DCAF15: variants seen among roughly 807,000 people sequenced by gnomAD.
The protein encoded by DCAF15 is DDB1- and CUL4-associated factor 15.
Under a neutral mutation model 68.0 loss-of-function variants are expected in DCAF15, and 24 were observed. The ratio of observed to expected loss-of-function variants is 0.35; its 90% CI spans 0.26 to 0.50. The LOEUF is 0.50. DCAF15 is among the 20% of genes least tolerant of loss of function. The pLI, the probability that DCAF15 is intolerant of heterozygous loss-of-function variation, is 0.98. For synonymous variants in DCAF15, 376 were observed against 341.6 expected, an observed-to-expected ratio of 1.10 and a Z score of -1.11; for missense variants, 627 against 830.6, an observed-to-expected ratio of 0.75 and a Z score of 3.01.
rs1201293541 is a variant in DCAF15 at position 13,959,381 on chromosome 19, C to A, written c.1121C>A (p.Pro374His). The A allele has an allele frequency of 1.9e-6, 3 of 1,605,832 alleles. No homozygotes were observed. In the African/African-American group the frequency reaches 4.0e-5, roughly 21 times the overall value. Residue 374 changes from proline to histidine, a missense_variant, in exon 7 of 13, where the codon CCC becomes CAC. Pro to His is a moderately conservative substitution (Grantham distance 77). This residue lies in a region of DCAF15 where 236 missense variants were observed against 225.1 expected (regional missense o/e 1.05). Transcript: ENST00000254337. Reference protein sequence around the residue: ...LCGETAPRDSPPASEAPASEP... With the variant: ...LCGETAPRDSHPASEAPASEP... ...GGAGAGACGGCACCCCGGGACAGCC[C>A]CCCTGCCTCGGAGGCACCTGCCTCC...
At chr19:13,960,160 C>T in intron 10 of DCAF15, 91 bp downstream of exon 10, 1 of 1,577,246 alleles carries the variant, frequency 6.3e-7, no homozygotes, top group Non-Finnish European at 8.7e-7. Context: ...GAAGGCTCTC[C>T]CTGTGCCACA....
chr19:13,958,901 C>T (rs950207058), intron 6 of DCAF15, 144 bp from the exon 7 acceptor site: 7 of 993,208 alleles, frequency 7.0e-6, no homozygotes, highest in Non-Finnish European at 1.0e-5. Flanking sequence ...GGTCTTTCCC[C>T]TTTTGGGTGT....
rs780834814 is a variant in DCAF15, at chr19:13,956,534, G to A, written c.784+12G>A. 37 of 1,611,544 alleles carry A rather than the reference G, an allele frequency of 2.3e-5. No homozygotes were observed. The highest frequency in any genetic ancestry group is 3.3e-5 in the South Asian group (3 of 91,074). The stretch of plus-strand genomic sequence containing the variant: ...CGTCCACTCGGCAGGTAGGCCCTGC[G>A]GTCTCGTGGCCACCCGGCAACGCGT... On this transcript the variant is annotated intron_variant, in intron 6 of 12. Transcript: ENST00000254337.
chr19:13,956,827 T>A (rs1212539441), intron 6 of DCAF15, among the ~76,000 whole-genome samples: 1 of 152,194 alleles, frequency 6.6e-6, no homozygotes, highest in Non-Finnish European at 1.5e-5. Flanking sequence ...AGTGGTGCGA[T>A]CTTGGCTCAC....
chr19:13,959,538 C>T (rs1599463305), intron 7 of DCAF15, 44 bp from the exon 8 acceptor site: 2 of 1,611,186 alleles, frequency 1.2e-6, no homozygotes, highest in South Asian at 1.1e-5. Context: ...CCAGACGGGG[C>T]CCCTGGCCTC....
Position 13,961,384 on chromosome 19 carries a change from C to T in DCAF15, c.*389C>T, listed in dbSNP as rs1973643270. ...CCCGCCCCCAGCCTCCCCACCCAGG[C>T]CGGCAACCTGGCCATCCCCATTCCG... On this transcript the variant is annotated 3_prime_UTR_variant, in exon 13 of 13. Transcript: ENST00000254337. 4 of 241,650 alleles carry T rather than the reference C, an allele frequency of 1.7e-5. No individual in the cohort carries two copies. Among genetic ancestry groups the T allele is most frequent in the Non-Finnish European group, 2.5e-5 (3 of 121,676 alleles). The allele number at this position is 241,650 out of a possible 1,614,324, so 15.0% of individuals were successfully genotyped here.
rs755650137 is a variant in DCAF15, at chr19:13,959,430, C to A, written c.1170C>A (p.Thr390=). 6.2e-7 allele frequency: 1 copy of A among 1,609,890 alleles called. No individual in the cohort carries two copies. The highest frequency in any genetic ancestry group is 8.5e-7 in the Non-Finnish European group (1 of 1,179,842). Residue 390 remains threonine (T), a synonymous_variant, in exon 7 of 13, where the codon ACC becomes ACA. Coordinates refer to ENST00000254337, the MANE Select transcript of DCAF15 (RefSeq NM_138353.4). ...PASEPGYVNY[T]KLYYVLESGE... ...CCGAGCCTGGCTATGTCAACTACAC[C>A]AAGCTGTACTATGTGCTGGAGTCCG... is the stretch of plus-strand genomic sequence containing the variant.
At position 13,959,738 on chromosome 19, in the gene DCAF15, G is replaced by A. The variant is rs114929655; in HGVS notation, c.1312-29G>A. 4.6e-3 allele frequency: 7,463 copies of A among 1,612,840 alleles called. 281 individuals carry two copies. In the African/African-American group the frequency reaches 0.085, roughly 18 times the overall value. On this transcript the variant is annotated intron_variant, in intron 8 of 12. Coordinates refer to ENST00000254337, the MANE Select transcript of DCAF15 (RefSeq NM_138353.4). ...GAGCTGCCGGGGGGCAGTTGGCACC[G>A]TCCCCTGCGCCTACCCACTCACCCG...
Position 13,959,914 on chromosome 19 carries a change from G to A in DCAF15, c.1440+19G>A, listed in dbSNP as rs1383904674. Reference sequence around the variant, plus strand: ...TCTGGAGGTGGGCCCAGGGCGGGCAGGGTGGGCCCAGGGCCTCCTGTACTC... The same window carrying A: ...TCTGGAGGTGGGCCCAGGGCGGGCAAGGTGGGCCCAGGGCCTCCTGTACTC... On this transcript the variant is annotated intron_variant, in intron 9 of 12. Coordinates refer to ENST00000254337, the MANE Select transcript of DCAF15 (RefSeq NM_138353.4). 1.9e-6 allele frequency: 3 copies of A among 1,612,166 alleles called. No homozygotes were observed. Among genetic ancestry groups the A allele is most frequent in the Non-Finnish European group, 2.5e-6 (3 of 1,178,556 alleles).
chr19:13,953,005 T>C (rs1192567418), intron 1 of DCAF15: 1 of 1,232,134 alleles, frequency 8.1e-7, no homozygotes, highest in Admixed American at 2.0e-5. Context: ...TGCTCCATAA[T>C]GGAACCTTCC....
chr19:13,958,747 G>A (rs1351545279), intron 6 of DCAF15, among the ~76,000 whole-genome samples: 2 of 152,142 alleles, frequency 1.3e-5, no homozygotes, highest in South Asian at 4.1e-4. Flanking sequence ...ACTCTACGCT[G>A]TAGAGTGTTG....
At chr19:13,957,101 T>A (rs1452915669) in intron 6 of DCAF15, among the ~76,000 whole-genome samples, 1 of 152,204 alleles carries the variant, frequency 6.6e-6, no homozygotes, top group Non-Finnish European at 1.5e-5. Flanking sequence ...ATAGCTACAG[T>A]TGGCTAGCTG....
At chr19:13,956,050 G>T (rs758468144) in intron 4 of DCAF15, 32 bp downstream of exon 4, 3 of 1,612,742 alleles carry the variant, frequency 1.9e-6, no homozygotes, top group Non-Finnish European at 2.5e-6. Flanking sequence ...AGCCTTGGCT[G>T]GTTGGGGCAG....
At chr19:13,954,500 C>G in intron 2 of DCAF15, 26 bp from the exon 3 acceptor site, 1 of 1,614,028 alleles carries the variant, frequency 6.2e-7, no homozygotes, top group Non-Finnish European at 8.5e-7. Context: ...CCTGACCTGG[C>G]CGCTGTGCCC....
chr19:13,960,574 C>A lies in DCAF15; in HGVS notation c.1741C>A (p.His581Asn). 6.3e-7 allele frequency: 1 copy of A among 1,587,098 alleles called. No homozygotes were observed. The highest frequency in any genetic ancestry group is 1.3e-5 in the African/African-American group (1 of 74,780). ...CAACAGGATGACCAATGAGGCGCTG[C>A]ACAAAGGTGGGGCTCGGTGACCCCG... ...YVNRMTNEAL[H>N]KGCSLKVLAD... The change falls in exon 12 of 13, where the codon CAC becomes AAC. Residue 581 changes from histidine (H) to asparagine (N), a missense_variant. His to Asn is a moderately conservative substitution (Grantham distance 68). This residue lies in a region of DCAF15 where 118 missense variants were observed against 211.8 expected (regional missense o/e 0.56). Coordinates refer to ENST00000254337, the MANE Select transcript of DCAF15 (RefSeq NM_138353.4).
chr19:13,953,268 GT>G, intron 1 of DCAF15: 1 of 872,784 alleles, frequency 1.1e-6, no homozygotes. Context: ...TCCCCCATCA[GT>G]TTGGGAGCTC....
At position 13,960,489 on chromosome 19, in the gene DCAF15, C is replaced by T. The variant is rs1472373421; in HGVS notation, c.1656C>T (p.Arg552=). 1 of 1,611,578 alleles carries T rather than the reference C, an allele frequency of 6.2e-7. No homozygotes were observed. Among genetic ancestry groups the T allele is most frequent in the African/African-American group, 1.3e-5 (1 of 74,922 alleles). ...QTSGSVWSSY[R]KSCVDMVMKW... is the part of the protein sequence containing the mutation. ...GCGGCAGTGTCTGGAGCTCCTACCG[C>T]AAGAGCTGCGTGGACATGGTCATGA... The change falls in exon 12 of 13, where the codon CGC becomes CGT. Residue 552 remains arginine, a synonymous_variant. Transcript: ENST00000254337.
chr19:13,952,627 C>G lies in DCAF15; in HGVS notation c.115C>G (p.Gln39Glu). ...AGRRREHVLK[Q>E]LERVKISGQL... is the part of the protein sequence containing the mutation. ...GCGGCGGCGGGAGCACGTCCTCAAG[C>G]AGCTGGAGCGGGTCAAGGTGAGGCC... Residue 39 changes from glutamine (Q) to glutamate (E), a missense_variant, in exon 1 of 13, where the codon CAG becomes GAG. Coordinates refer to ENST00000254337, the MANE Select transcript of DCAF15 (RefSeq NM_138353.4). The G allele has an allele frequency of 7.9e-7, 1 of 1,269,604 alleles. No homozygotes were observed. The highest frequency in any genetic ancestry group is 3.1e-5 in the East Asian group (1 of 31,804). 78.6% of individuals were successfully genotyped at this position (1,269,604 alleles called of 1,614,324 possible).
chr19:13,961,021 T>C lies in DCAF15; in HGVS notation c.*26T>C. 1 of 1,613,024 alleles carries C rather than the reference T, an allele frequency of 6.2e-7. No individual in the cohort carries two copies. Among genetic ancestry groups the C allele is most frequent in the Non-Finnish European group, 8.5e-7 (1 of 1,179,958 alleles). On this transcript the variant is annotated 3_prime_UTR_variant, in exon 13 of 13. Coordinates refer to ENST00000254337, the MANE Select transcript of DCAF15 (RefSeq NM_138353.4). ...GGGCCAGGCCGCCCCGGACACTGAC[T>C]CCAACTACCTCCGTGGCCTGGGACC...
Sources: gnomAD v4.1 joint callset for allele counts (sites outside exome capture counted in the v4.1 genomes callset) on GRCh38, gnomAD v4.1.1 for gene constraint, gnomAD v4.1.1 regional missense constraint, MANE v1.5 for transcripts, NCBI Gene and HGNC (gene_info 2026-07-23, HGNC 2026-07-21) for gene names.